CD200R1L: variants seen among roughly 807,000 people sequenced by gnomAD.
CD200R1L encodes the protein CD200 receptor 1 like.
In CD200R1L, 14 loss-of-function variants were observed where a neutral mutation model predicts 24.8. The ratio of observed to expected loss-of-function variants is 0.56; its 90% confidence interval spans 0.37 to 0.88. The LOEUF is 0.88. Ranked by LOEUF, CD200R1L falls within the 40% of genes least tolerant of loss-of-function variation. CD200R1L has a pLI of 0.00. For missense variants in CD200R1L, 299 were observed against 297.8 expected, an observed-to-expected ratio of 1.00 and a Z score of -0.03; for synonymous variants, 111 against 109.2, an observed-to-expected ratio of 1.02 and a Z score of -0.11.
chr3:112,845,885 A>T lies in CD200R1L; in HGVS notation c.-293T>A, dbSNP rs1207083611. Reference sequence around the variant, plus strand: ...TTCTTCATTATCTTGCTTATCTTTAATTTTTGCTGTCATTCTATATGTTTT... The same window carrying T: ...TTCTTCATTATCTTGCTTATCTTTATTTTTTGCTGTCATTCTATATGTTTT... On this transcript the variant is annotated 5_prime_UTR_variant, in exon 2 of 8. Transcript: ENST00000488794. 20 of 599,598 alleles carry T rather than the reference A, an allele frequency of 3.3e-5. No individual in the cohort carries two copies. In the South Asian group the frequency reaches 4.0e-4, roughly 12 times the overall value. The allele number at this position is 599,598 out of a possible 1,614,324, so 37.1% of individuals were successfully genotyped here. A position where few individuals can be genotyped will look rare whatever the true frequency, so the allele number is the denominator to read the frequency against.
chr3:112,818,722 G>T (rs1414372720), intron 7 of CD200R1L: 3 of 154,384 alleles, frequency 1.9e-5, no homozygotes, highest in Non-Finnish European at 2.9e-5. Context: ...CTTTTGCTGA[G>T]CTATCTTCCT....
At chr3:112,841,909 C>T (rs1939091569) in intron 2 of CD200R1L, among the ~76,000 whole-genome samples, 1 of 152,284 alleles carries the variant, frequency 6.6e-6, no homozygotes, top group African/African-American at 2.4e-5. Flanking sequence ...CAGAGAGGAG[C>T]CCCCACTCTC....
At chr3:112,833,584 C>A (rs1327202365) in intron 3 of CD200R1L, among the ~76,000 whole-genome samples, 3 of 152,134 alleles carry the variant, frequency 2.0e-5, no homozygotes, top group Non-Finnish European at 4.4e-5. Context: ...GTAAAGTGGA[C>A]CCAGTAGCAC....
intron 3 of CD200R1L, among the ~76,000 whole-genome samples, chr3:112,836,226 CCG>C (rs1199978497): frequency 3.9e-5 from 6 of 152,228 alleles, no homozygotes; most frequent in African/African-American, 1.4e-4. Flanking sequence ...GGTCCCATCA[CCG>C]CCACTGCTGC....
At position 112,815,887 on chromosome 3, in the gene CD200R1L, T is replaced by C; in HGVS notation, c.*76A>G. On this transcript the variant is annotated 3_prime_UTR_variant, in exon 8 of 8. Transcript: ENST00000488794. Reference sequence around the variant, plus strand: ...ATCATCCATGGCCCAAGTTCACTGCTGGACCATCACTCATCTCACCAATGT... The same window carrying C: ...ATCATCCATGGCCCAAGTTCACTGCCGGACCATCACTCATCTCACCAATGT... 2 of 774,284 alleles carry C rather than the reference T, an allele frequency of 2.6e-6. No individual in the cohort carries two copies. The highest frequency in any genetic ancestry group is 4.8e-6 in the Non-Finnish European group (2 of 415,208). 48.0% of individuals were successfully genotyped at this position (774,284 alleles called of 1,614,324 possible). A position where few individuals can be genotyped will look rare whatever the true frequency, so the allele number is the denominator to read the frequency against.
At chr3:112,834,864 G>A (rs1938894769) in intron 3 of CD200R1L, among the ~76,000 whole-genome samples, 1 of 152,222 alleles carries the variant, frequency 6.6e-6, no homozygotes, top group Admixed American at 6.5e-5. Context: ...CTGCAAGGCT[G>A]CAGCTTGACA....
At chr3:112,829,492 A>G in intron 3 of CD200R1L, 108 bp from the exon 4 acceptor site, 1 of 1,291,412 alleles carries the variant, frequency 7.7e-7, no homozygotes, top group Non-Finnish European at 1.1e-6. Context: ...AGTTAACCAT[A>G]ACTAAAATTA....
chr3:112,832,246 C>A (rs1219620245), intron 3 of CD200R1L, among the ~76,000 whole-genome samples: 1 of 152,260 alleles, frequency 6.6e-6, no homozygotes, highest in South Asian at 2.1e-4. Context: ...TTAAGGGCCT[C>A]CTGTTAGAGT....
chr3:112,827,811 T>A (rs1322949301), intron 4 of CD200R1L, 127 bp from the exon 5 acceptor site: 1 of 868,788 alleles, frequency 1.2e-6, no homozygotes, highest in African/African-American at 1.7e-5. Context: ...ATTCCAGAAA[T>A]ATTAGACTTA....
At position 112,827,054 on chromosome 3, in the gene CD200R1L, A is replaced by G. The variant is rs377245003; in HGVS notation, c.555T>C (p.Thr185=). ...STCPWEGHKS[T]VTCHVSHLTG... Reference sequence around the variant, plus strand: ...TCAAATGGGAGACATGGCAGGTCACAGTAGACTTGTGGCCCTCCCAGGGGC... The same window carrying G: ...TCAAATGGGAGACATGGCAGGTCACGGTAGACTTGTGGCCCTCCCAGGGGC... Residue 185 remains threonine (T), a synonymous_variant, in exon 6 of 8, where the codon ACT becomes ACC. Coordinates refer to ENST00000488794, the MANE Select transcript of CD200R1L (RefSeq NM_001199215.3). 13 of 1,603,374 alleles carry G rather than the reference A, an allele frequency of 8.1e-6. No homozygotes were observed. Among genetic ancestry groups the G allele is most frequent in the Non-Finnish European group, 1.1e-5 (13 of 1,173,884 alleles).
At chr3:112,846,587 G>A (rs147920884) in intron 1 of CD200R1L, 38 bp downstream of exon 1, 2 of 152,174 alleles carry the variant, frequency 1.3e-5, no homozygotes, top group East Asian at 1.9e-4. Flanking sequence ...TGCAACCCCC[G>A]CCCAACATTT....
intron 4 of CD200R1L, among the ~76,000 whole-genome samples, chr3:112,828,980 C>T (rs1291894852): frequency 6.6e-6 from 1 of 152,178 alleles, no homozygotes; most frequent in African/African-American, 2.4e-5. Flanking sequence ...TGTCACCTGT[C>T]TCTTATGTGG....
intron 3 of CD200R1L, among the ~76,000 whole-genome samples, chr3:112,835,558 G>A (rs558332738): frequency 5.6e-4 from 86 of 152,356 alleles, no homozygotes; most frequent in African/African-American, 1.7e-3. Context: ...TTCAGTTTGC[G>A]GGACCAGTAG....
At chr3:112,826,969 C>A in intron 6 of CD200R1L, 24 bp downstream of exon 6, 1 of 1,554,322 alleles carries the variant, frequency 6.4e-7, no homozygotes, top group Non-Finnish European at 8.7e-7. Context: ...CAAGTTTACT[C>A]TTCTACAAGA....
intron 2 of CD200R1L, among the ~76,000 whole-genome samples, chr3:112,839,585 G>C (rs1403517895): frequency 6.6e-6 from 1 of 152,212 alleles, no homozygotes; most frequent in Non-Finnish European, 1.5e-5. Context: ...GAAGTTTCCA[G>C]ATACCAAAAC....
intron 2 of CD200R1L, among the ~76,000 whole-genome samples, chr3:112,839,911 C>T (rs949685559): frequency 6.6e-6 from 1 of 152,186 alleles, no homozygotes; most frequent in South Asian, 2.1e-4. Context: ...CCCCTCACTC[C>T]TCTTTGCTTC....
intron 4 of CD200R1L, 29 bp from the exon 5 acceptor site, chr3:112,827,713 T>C (rs746089136): frequency 1.9e-6 from 3 of 1,579,478 alleles, no homozygotes; most frequent in East Asian, 2.2e-5. Context: ...GATAATGATA[T>C]AGAAAACCTT....
chr3:112,841,240 T>G, intron 2 of CD200R1L: 1 of 447,394 alleles, frequency 2.2e-6, no homozygotes, highest in South Asian at 1.6e-5. Flanking sequence ...GTGTAGCACC[T>G]CCTCACCTTC....
rs1938367941 is a variant in CD200R1L, at chr3:112,815,770, G to C, written c.*193C>G. ...AAGAAGTCAATGAATAGGTGGTTGA[G>C]GGTTTATAGGGAAACTTCATGGTCA... On this transcript the variant is annotated 3_prime_UTR_variant, in exon 8 of 8. Coordinates refer to ENST00000488794, the MANE Select transcript of CD200R1L (RefSeq NM_001199215.3). 4 of 561,160 alleles carry C rather than the reference G, an allele frequency of 7.1e-6. No individual in the cohort carries two copies. Among genetic ancestry groups the C allele is most frequent in the East Asian group, 2.9e-5 (1 of 34,244 alleles). 34.8% of individuals were successfully genotyped at this position (561,160 alleles called of 1,614,324 possible).
Sources: allele counts gnomAD v4.1 joint callset (sites outside exome capture counted in the v4.1 genomes callset), GRCh38; gene constraint gnomAD v4.1.1; transcripts MANE v1.5; gene names NCBI Gene and HGNC (gene_info 2026-07-23, HGNC 2026-07-21).